PHKB: variants seen among roughly 807,000 people sequenced by gnomAD.
The protein encoded by PHKB is phosphorylase kinase regulatory subunit beta.
In PHKB, 122 loss-of-function variants were observed where a neutral mutation model predicts 152.1. The ratio of observed to expected loss-of-function variants is 0.80; its 90% CI spans 0.69 to 0.93. The LOEUF (loss-of-function observed/expected upper bound fraction) is 0.93, where lower values mean the gene tolerates loss of function less well. Among genes scored for constraint, PHKB ranks in the 40% least tolerant of loss-of-function variants. PHKB has a pLI of 0.00. For synonymous variants in PHKB, 436 were observed against 464.9 expected (o/e 0.94, Z 0.80); for missense variants, 1,304 against 1,328.4 (o/e 0.98, Z 0.29).
rs531009963 is a variant in PHKB, at chr16:47,561,506, C to T, written c.710+13958C>T. Reference sequence around the variant, plus strand: ...GAATTCTCTTTTTTAAAGTCAGAGTCATCACACTGGACTTTTTGTGAATGC... The same window carrying T: ...GAATTCTCTTTTTTAAAGTCAGAGTTATCACACTGGACTTTTTGTGAATGC... On this transcript the variant is annotated intron_variant, in intron 7 of 30. Transcript: ENST00000323584. 2.0e-5 allele frequency: 3 copies of T among 152,324 alleles called. No individual in the cohort carries two copies. In the South Asian group the frequency reaches 6.2e-4, roughly 32 times the overall value. 9.4% of individuals were successfully genotyped at this position (152,324 alleles called of 1,614,324 possible). A position where few individuals can be genotyped will look rare whatever the true frequency, so the allele number is the denominator to read the frequency against.
In PHKB at chr16:47,641,137, G is replaced by A. The variant is rs762888728; in HGVS notation, c.1514+47G>A. 1.3e-4 allele frequency: 185 copies of A among 1,436,504 alleles called. 4 individuals carry two copies. The highest frequency in any genetic ancestry group is 1.0e-3 in the South Asian group (91 of 87,424). The allele number at this position is 1,436,504 out of a possible 1,614,324, so 89.0% of individuals were successfully genotyped here. A position where few individuals can be genotyped will look rare whatever the true frequency, so the allele number is the denominator to read the frequency against. On this transcript the variant is annotated intron_variant, in intron 15 of 30. Coordinates refer to ENST00000323584, the MANE Select transcript of PHKB (RefSeq NM_000293.3). Reference sequence around the variant, plus strand: ...TGTGTTTTTTTGTGGGGAGGGGAGGGGAGGGGAAATGATTGCTTTATGTTT... The same window carrying A: ...TGTGTTTTTTTGTGGGGAGGGGAGGAGAGGGGAAATGATTGCTTTATGTTT...
chr16:47,620,239 A>G (rs1016148641), intron 14 of PHKB, among the ~76,000 whole-genome samples: 4 of 152,218 alleles, frequency 2.6e-5, no homozygotes. Context: ...AAATATTCTG[A>G]TATGAAAATG....
intron 7 of PHKB, among the ~76,000 whole-genome samples, chr16:47,574,066 T>A (rs1385120353): frequency 6.6e-6 from 1 of 152,152 alleles, no homozygotes; most frequent in Non-Finnish European, 1.5e-5. Flanking sequence ...ATTACAGGCA[T>A]GCACCGCCAC....
intron 28 of PHKB, among the ~76,000 whole-genome samples, chr16:47,695,427 A>G (rs1337691841): frequency 6.6e-6 from 1 of 152,222 alleles, no homozygotes; most frequent in African/African-American, 2.4e-5. Context: ...AACATTAATA[A>G]TATGTTGGAT....
intron 6 of PHKB, among the ~76,000 whole-genome samples, chr16:47,543,406 T>C (rs1343311210): frequency 6.6e-6 from 1 of 152,236 alleles, no homozygotes; most frequent in Non-Finnish European, 1.5e-5. Flanking sequence ...AATTTGGCAG[T>C]ATTTTATTGA....
intron 9 of PHKB, among the ~76,000 whole-genome samples, chr16:47,587,971 T>C (rs1444075760): frequency 6.6e-6 from 1 of 152,208 alleles, no homozygotes; most frequent in East Asian, 1.9e-4. Context: ...CTTTGGCCTT[T>C]GAATCTTTTG....
rs760584058 is a variant in PHKB, at chr16:47,511,780, G to T, written c.513+8G>T. On this transcript the variant is annotated splice_region_variant and intron_variant, in intron 5 of 30. Coordinates refer to ENST00000323584, the MANE Select transcript of PHKB (RefSeq NM_000293.3). ...GAATATGGTCATCTTCAGGTAAAAAGAGATTATACATTTTATTCTCCTTAT... is the reference window on the plus strand; with the variant it reads ...GAATATGGTCATCTTCAGGTAAAAATAGATTATACATTTTATTCTCCTTAT... 3 of 1,464,900 alleles carry T rather than the reference G, an allele frequency of 2.0e-6. No homozygotes were observed. Among genetic ancestry groups the T allele is most frequent in the South Asian group, 2.3e-5 (2 of 88,178 alleles). 90.7% of individuals were successfully genotyped at this position (1,464,900 alleles called of 1,614,324 possible).
At chr16:47,698,105 G>A (rs1036145119) in intron 29 of PHKB, among the ~76,000 whole-genome samples, 1 of 152,144 alleles carries the variant, frequency 6.6e-6, no homozygotes, top group Admixed American at 6.5e-5. Flanking sequence ...TGCCAACAAG[G>A]ATTGACACCC....
rs530196259 is a variant in PHKB at position 47,604,106 on chromosome 16, A to G, written c.1364-6720A>G. Among the ~76,000 whole-genome samples, 3 of 152,272 alleles carry G rather than the reference A, an allele frequency of 2.0e-5. No individual in the cohort carries two copies. The South Asian group carries it at 6.2e-4, about 32-fold the overall frequency. On this transcript the variant is annotated intron_variant, in intron 13 of 30. Transcript: ENST00000323584. ...AATAAATTGAGTCTTGTTTTCATTT[A>G]TATTCTGACTATTAGAAACATATTT...
At chr16:47,560,317 A>G (rs1023266928) in intron 7 of PHKB, among the ~76,000 whole-genome samples, 8 of 152,232 alleles carry the variant, frequency 5.3e-5, no homozygotes, top group African/African-American at 1.9e-4. Flanking sequence ...CTGCAAAGAA[A>G]TGTTGAGAGA....
chr16:47,464,940 A>G (rs550749856), intron 1 of PHKB, among the ~76,000 whole-genome samples: 1 of 152,352 alleles, frequency 6.6e-6, no homozygotes, highest in South Asian at 2.1e-4. Context: ...CCCCAAACAC[A>G]GTGAAAACTC....
At chr16:47,481,311 C>T (rs549297783) in intron 1 of PHKB, among the ~76,000 whole-genome samples, 7 of 152,268 alleles carry the variant, frequency 4.6e-5, no homozygotes, top group East Asian at 1.9e-4. Context: ...ATTTTATTGG[C>T]GCTTTTATCC....
intron 4 of PHKB, among the ~76,000 whole-genome samples, chr16:47,505,281 G>A (rs1233330687): frequency 6.6e-6 from 1 of 152,182 alleles, no homozygotes; most frequent in Non-Finnish European, 1.5e-5. Flanking sequence ...ACCTGGCTCT[G>A]CGGGATGAAC....
Position 47,669,267 on chromosome 16 carries a change from C to G in PHKB, c.2480C>G (p.Ser827Cys). ...GAAGAAGTTATCTCTAATCCTTTGT[C>G]TCCAAGAGTGATTCAAAACATCATC... ...HEEEVISNPL[S>C]PRVIQNIIYY... The change falls in exon 26 of 31, where the codon TCT becomes TGT. Residue 827 changes from serine (S) to cysteine (C), a missense_variant. Coordinates refer to ENST00000323584, the MANE Select transcript of PHKB (RefSeq NM_000293.3). 1.9e-6 allele frequency: 3 copies of G among 1,614,054 alleles called. No individual in the cohort carries two copies. The highest frequency in any genetic ancestry group is 2.5e-6 in the Non-Finnish European group (3 of 1,179,966).
chr16:47,665,201 G>T, intron 25 of PHKB: 2 of 495,896 alleles, frequency 4.0e-6, no homozygotes, highest in Admixed American at 3.4e-5. Context: ...AGCTTCTGTG[G>T]ATATCCTGAA....
chr16:47,553,065 A>T (rs1971302266), intron 7 of PHKB, among the ~76,000 whole-genome samples: 1 of 151,804 alleles, frequency 6.6e-6, no homozygotes, highest in Non-Finnish European at 1.5e-5. Flanking sequence ...TATTTCCTGA[A>T]TTTGAATTTG....
intron 7 of PHKB, among the ~76,000 whole-genome samples, chr16:47,571,441 C>G (rs980560454): frequency 6.6e-6 from 1 of 152,090 alleles, no homozygotes; most frequent in Non-Finnish European, 1.5e-5. Flanking sequence ...CTCAGCTTCA[C>G]TACCAGGCCA....
intron 13 of PHKB, among the ~76,000 whole-genome samples, chr16:47,605,147 A>G (rs1389989702): frequency 6.6e-6 from 1 of 152,224 alleles, no homozygotes; most frequent in Non-Finnish European, 1.5e-5. Flanking sequence ...GATTATGGCA[A>G]TTAGTGTTTC....
At chr16:47,684,930 G>A (rs375773344) in intron 26 of PHKB, among the ~76,000 whole-genome samples, 10 of 152,248 alleles carry the variant, frequency 6.6e-5, no homozygotes, top group Admixed American at 1.3e-4. Context: ...TTGGTCAGTC[G>A]TGTGTATCTA....
Sources: gnomAD v4.1 joint callset for allele counts (sites outside exome capture counted in the v4.1 genomes callset) on GRCh38, gnomAD v4.1.1 for gene constraint, MANE v1.5 for transcripts, NCBI Gene and HGNC (gene_info 2026-07-23, HGNC 2026-07-21) for gene names.